Variants in L3MBTL4 observed in about 807,000 individuals in gnomAD.
L3MBTL4 encodes the protein L3MBTL histone methyl-lysine binding protein 4.
In L3MBTL4, 70 loss-of-function variants were observed where a neutral mutation model predicts 84.5. The observed-to-expected ratio is 0.83, with a 90% confidence interval of 0.68 to 1.01. The LOEUF is 1.01. Ranked by LOEUF, L3MBTL4 falls within the 50% of genes least tolerant of loss-of-function variation. The pLI is 0.00. For synonymous variants in L3MBTL4, 274 were observed against 259.8 expected, an observed-to-expected ratio of 1.05 and a Z score of -0.52; for missense variants, 715 against 754.8, an observed-to-expected ratio of 0.95 and a Z score of 0.62.
chr18:6,384,399 A>C (rs2054728065), intron 1 of L3MBTL4, among the ~76,000 whole-genome samples: 1 of 152,302 alleles, frequency 6.6e-6, no homozygotes, highest in South Asian at 2.1e-4. Context: ...AAAGGCACAA[A>C]GTGGTACTAA....
intron 16 of L3MBTL4, among the ~76,000 whole-genome samples, chr18:6,009,151 T>C (rs1483990748): frequency 6.6e-6 from 1 of 152,190 alleles, no homozygotes; most frequent in East Asian, 1.9e-4. Context: ...GCAAAGATTC[T>C]TAGTTACAGA....
chr18:6,127,677 C>G (rs2059739318), intron 14 of L3MBTL4, among the ~76,000 whole-genome samples: 1 of 152,130 alleles, frequency 6.6e-6, no homozygotes, highest in South Asian at 2.1e-4. Flanking sequence ...AGATAGAAAA[C>G]AGATAAGCTG....
chr18:6,201,956 C>G (rs2045666061), intron 12 of L3MBTL4, among the ~76,000 whole-genome samples: 1 of 152,152 alleles, frequency 6.6e-6, no homozygotes, highest in Non-Finnish European at 1.5e-5. Flanking sequence ...TATTTTATGT[C>G]CAGCCTAAAG....
At chr18:5,969,626 C>T in intron 16 of L3MBTL4, 64 bp from the exon 17 acceptor site, 1 of 1,517,182 alleles carries the variant, frequency 6.6e-7, no homozygotes, top group South Asian at 1.3e-5. Context: ...CTGTGTCAGC[C>T]CCGCAGTCCG....
intron 1 of L3MBTL4, among the ~76,000 whole-genome samples, chr18:6,374,645 G>A (rs894216776): frequency 2.0e-5 from 3 of 152,162 alleles, no homozygotes; most frequent in South Asian, 2.1e-4. Context: ...TGGAGCCTGC[G>A]TGCTGTTCTC....
intron 1 of L3MBTL4, among the ~76,000 whole-genome samples, chr18:6,355,844 A>T (rs964510502): frequency 6.7e-6 from 1 of 148,526 alleles, no homozygotes; most frequent in Non-Finnish European, 1.5e-5. Context: ...CAAATTTATA[A>T]AAAAAAAAAA....
At chr18:6,329,821 G>C (rs1835056677) in intron 1 of L3MBTL4, among the ~76,000 whole-genome samples, 1 of 152,136 alleles carries the variant, frequency 6.6e-6, no homozygotes, top group Admixed American at 6.5e-5. Context: ...CAAGGCTCTT[G>C]CCTTTTAAAT....
Position 6,011,502 on chromosome 18 carries a change from C to A in L3MBTL4, c.1445-41940G>T, listed in dbSNP as rs181405371. Among the ~76,000 whole-genome samples, 754 of 152,296 alleles carry A rather than the reference C, an allele frequency of 5.0e-3. 2 individuals are homozygous for A. Among genetic ancestry groups the A allele is most frequent in the Non-Finnish European group, 8.4e-3 (571 of 68,020 alleles). ...TCTGTGGTATTAATCGAGTAGTATT[C>A]TGACTGAGCCCCATCTGAATTTTTA... On this transcript the variant is annotated intron_variant, in intron 16 of 18. Transcript: ENST00000317931.
intron 16 of L3MBTL4, among the ~76,000 whole-genome samples, chr18:6,044,955 C>T (rs1415967534): frequency 1.3e-5 from 2 of 152,186 alleles, no homozygotes; most frequent in Non-Finnish European, 2.9e-5. Context: ...TTAATAAGCC[C>T]TCAGGCCACC....
intron 1 of L3MBTL4, among the ~76,000 whole-genome samples, chr18:6,337,913 G>T (rs1457564328): frequency 1.3e-5 from 2 of 151,770 alleles, no homozygotes; most frequent in African/African-American, 4.8e-5. Flanking sequence ...AAGGAGAAGG[G>T]AATACATTAC....
intron 16 of L3MBTL4, chr18:6,029,487 C>T (rs1271931852): frequency 1.0e-6 from 1 of 976,994 alleles, no homozygotes. Context: ...ATGTAATACA[C>T]AGAAATATAC....
intron 16 of L3MBTL4, among the ~76,000 whole-genome samples, chr18:6,036,916 A>G (rs1340201555): frequency 6.6e-6 from 1 of 152,108 alleles, no homozygotes; most frequent in Non-Finnish European, 1.5e-5. Flanking sequence ...CTCCATACAC[A>G]TGGTTGCTTT....
intron 16 of L3MBTL4, among the ~76,000 whole-genome samples, chr18:6,049,722 G>A (rs2056775098): frequency 6.6e-6 from 1 of 152,122 alleles, no homozygotes; most frequent in Non-Finnish European, 1.5e-5. Flanking sequence ...ATAGAGGGAG[G>A]AGGGAGGAAA....
chr18:6,089,380 A>G (rs1374238960), intron 15 of L3MBTL4, among the ~76,000 whole-genome samples: 1 of 152,150 alleles, frequency 6.6e-6, no homozygotes, highest in African/African-American at 2.4e-5. Context: ...TAGTTCTATT[A>G]TTATTATTAA....
intron 16 of L3MBTL4, among the ~76,000 whole-genome samples, chr18:6,069,081 G>C (rs765598259): frequency 1.3e-5 from 2 of 152,238 alleles, no homozygotes; most frequent in African/African-American, 4.8e-5. Context: ...TCCCAGCAGT[G>C]TACACCAGCA....
intron 16 of L3MBTL4, among the ~76,000 whole-genome samples, chr18:6,041,389 G>GC (rs200749199): frequency 2.6e-5 from 4 of 151,388 alleles, no homozygotes; most frequent in African/African-American, 9.7e-5. Flanking sequence ...CAATGGACTG[G>GC]CCCCCCCTAA....
At chr18:6,393,855 T>C (rs1455040625) in intron 1 of L3MBTL4, among the ~76,000 whole-genome samples, 2 of 152,166 alleles carry the variant, frequency 1.3e-5, no homozygotes, top group African/African-American at 4.8e-5. Flanking sequence ...GCCTGACTCC[T>C]GCCAGGGCAC....
At chr18:6,065,803 C>A (rs941175581) in intron 16 of L3MBTL4, among the ~76,000 whole-genome samples, 6 of 151,822 alleles carry the variant, frequency 4.0e-5, no homozygotes, top group Non-Finnish European at 7.4e-5. Context: ...TTCAAAGAAC[C>A]AGCTCTTAGT....
At chr18:6,385,191 C>T (rs540350514) in intron 1 of L3MBTL4, among the ~76,000 whole-genome samples, 55 of 152,132 alleles carry the variant, frequency 3.6e-4, no homozygotes, top group South Asian at 4.2e-4. Flanking sequence ...TGCTGGAGTT[C>T]AGGAGTTCGA....
Sources: allele counts gnomAD v4.1 joint callset (sites outside exome capture counted in the v4.1 genomes callset), GRCh38; gene constraint gnomAD v4.1.1; transcripts MANE v1.5; gene names NCBI Gene and HGNC (gene_info 2026-07-23, HGNC 2026-07-21).